The following HSP90B1 variants were observed in gnomAD, a reference collection of about 807,000 sequenced individuals.
HSP90B1 encodes heat shock protein 90 beta family member 1.
Under a neutral mutation model 100.4 loss-of-function variants are expected in HSP90B1, and 27 were observed. The observed-to-expected ratio is 0.27, with a 90% CI of 0.20 to 0.37. HSP90B1 has a LOEUF of 0.37. HSP90B1 is among the 10% of genes least tolerant of loss of function. The pLI, the probability that HSP90B1 is intolerant of heterozygous loss-of-function variation, is 1.00. For synonymous variants in HSP90B1, 304 were observed against 330.8 expected (o/e 0.92, Z 0.88); for missense variants, 678 against 960.5 (o/e 0.71, Z 3.89).
At chr12:103,939,198 T>TA (rs1420455288) in intron 7 of HSP90B1, among the ~76,000 whole-genome samples, 1 of 151,954 alleles carries the variant, frequency 6.6e-6, no homozygotes, top group African/African-American at 2.4e-5. Context: ...CTCCTAGGCT[T>TA]AAGCAGTCCT....
In HSP90B1 at chr12:103,943,767, G is replaced by T. The variant is rs764043319; in HGVS notation, c.1920G>T (p.Leu640=). 1 of 1,614,040 alleles carries T rather than the reference G, an allele frequency of 6.2e-7. No homozygotes were observed. The highest frequency in any genetic ancestry group is 1.7e-5 in the Admixed American group (1 of 59,962). Residue 640 remains leucine, a synonymous_variant, in exon 14 of 18, where the codon CTG becomes CTT. Transcript: ENST00000299767. This position sits in a 1 kb window ranked among gnomAD's most constrained non-coding sequence, Gnocchi z 5.3. ...KIEKAVVSQR[L]TESPCALVAS... is the part of the protein sequence containing the mutation. ...AAAAGGCTGTGGTGTCTCAGCGCCT[G>T]ACAGAATCTCCGTGTGCTTTGGTGG...
intron 8 of HSP90B1, 59 bp downstream of exon 8, chr12:103,939,684 C>G: frequency 1.3e-6 from 1 of 783,614 alleles, no homozygotes; most frequent in Non-Finnish European, 2.1e-6. Context: ...ATATCACCCT[C>G]TTAGTTTAAT....
chr12:103,941,940 T>G (rs1339601132), intron 11 of HSP90B1, 43 bp downstream of exon 11: 17 of 1,496,000 alleles, frequency 1.1e-5, no homozygotes, highest in Admixed American at 1.7e-5. Flanking sequence ...GCTGTTTGAT[T>G]GGGGTTCAGA....
At position 103,946,709 on chromosome 12, in the gene HSP90B1, C is replaced by T; in HGVS notation, c.2106+13C>T. On this transcript the variant is annotated intron_variant, in intron 15 of 17. Transcript: ENST00000299767. Reference sequence around the variant, plus strand: ...TCGACGAATTAAGGTAGTATTAAAGCAGTCCTCTTGCTTGTCTTTTAATTT... The same window carrying T: ...TCGACGAATTAAGGTAGTATTAAAGTAGTCCTCTTGCTTGTCTTTTAATTT... 4 of 1,612,942 alleles carry T rather than the reference C, an allele frequency of 2.5e-6. No homozygotes were observed. The highest frequency in any genetic ancestry group is 3.4e-6 in the Non-Finnish European group (4 of 1,178,910).
chr12:103,943,373 G>A lies in HSP90B1; in HGVS notation c.1890+54G>A. 4 of 1,543,912 alleles carry A rather than the reference G, an allele frequency of 2.6e-6. No homozygotes were observed. The South Asian group carries it at 4.6e-5, about 18-fold the overall frequency. ...TATTAGTATCAGCATTTAAGAGAAA[G>A]TTATTTTGTGAACAAATTAAGCTGC... On this transcript the variant is annotated intron_variant, in intron 13 of 17. Coordinates refer to ENST00000299767, the MANE Select transcript of HSP90B1 (RefSeq NM_003299.3). This position sits in a 1 kb window ranked among gnomAD's most constrained non-coding sequence, Gnocchi z 5.3.
At chr12:103,940,384 G>A (rs892067145) in intron 8 of HSP90B1, among the ~76,000 whole-genome samples, 1 of 151,578 alleles carries the variant, frequency 6.6e-6, no homozygotes, top group Non-Finnish European at 1.5e-5. Flanking sequence ...AACTCTTAAG[G>A]ATGCAAAACT....
intron 14 of HSP90B1, among the ~76,000 whole-genome samples, chr12:103,945,675 G>C (rs941064209): frequency 6.6e-6 from 1 of 152,146 alleles, no homozygotes; most frequent in Non-Finnish European, 1.5e-5. Flanking sequence ...AAATCAGTTC[G>C]TCTGTTCAGC....
At chr12:103,940,820 T>C (rs1870056227) in intron 8 of HSP90B1, among the ~76,000 whole-genome samples, 1 of 152,218 alleles carries the variant, frequency 6.6e-6, no homozygotes, top group Admixed American at 6.5e-5. Flanking sequence ...CTTTTTAAAA[T>C]TTGTACTGTG....
chr12:103,940,367 T>G (rs969392475), intron 8 of HSP90B1, among the ~76,000 whole-genome samples: 4 of 152,066 alleles, frequency 2.6e-5, no homozygotes, highest in Non-Finnish European at 5.9e-5. Context: ...TATTGATCCC[T>G]TCTTGTAACT....
At chr12:103,946,395 A>C (rs1870231849) in intron 14 of HSP90B1, among the ~76,000 whole-genome samples, 1 of 152,128 alleles carries the variant, frequency 6.6e-6, no homozygotes, top group African/African-American at 2.4e-5. Flanking sequence ...GGTATTTTCT[A>C]TCTGAGTTTG....
rs144832663 is a variant in HSP90B1 at position 103,944,316 on chromosome 12, C to T, written c.2027+442C>T. Among the ~76,000 whole-genome samples, 1,144 of 152,210 alleles carry T rather than the reference C, an allele frequency of 7.5e-3. 11 individuals are homozygous for T. Among genetic ancestry groups the T allele is most frequent in the African/African-American group, 0.026 (1,080 of 41,524 alleles). On this transcript the variant is annotated intron_variant, in intron 14 of 17. Transcript: ENST00000299767. ...CAGATAGAATGTCTCATAAAGTAGA[C>T]GGTACAGGACCTGTGAATTAACAGT... is the stretch of plus-strand genomic sequence containing the variant.
intron 7 of HSP90B1, among the ~76,000 whole-genome samples, 177 bp from the exon 8 acceptor site, chr12:103,939,331 AG>A (rs1870011185): frequency 6.7e-6 from 1 of 150,024 alleles, no homozygotes; most frequent in African/African-American, 2.5e-5. Context: ...TTGAACTCCT[AG>A]GCTCAAACAG....
chr12:103,930,489 G>T lies in HSP90B1; in HGVS notation c.-27G>T, dbSNP rs575496973. On this transcript the variant is annotated 5_prime_UTR_variant, in exon 1 of 18. Transcript: ENST00000299767. The surrounding 1 kb of genome is among the most constrained non-coding windows in gnomAD (Gnocchi z 4.4). Reference sequence around the variant, plus strand: ...TGGAGGCGGCTCCTGCGATCGAAGGGGACTTGAGACTCACCGGCCGCACGC... The same window carrying T: ...TGGAGGCGGCTCCTGCGATCGAAGGTGACTTGAGACTCACCGGCCGCACGC... 87 of 1,595,534 alleles carry T rather than the reference G, an allele frequency of 5.5e-5. No homozygotes were observed. The South Asian group carries it at 9.5e-4, about 17-fold the overall frequency.
chr12:103,931,795 G>T (rs1869772369), intron 2 of HSP90B1, 172 bp downstream of exon 2: 1 of 664,498 alleles, frequency 1.5e-6, no homozygotes. Flanking sequence ...TAGGAGTGAT[G>T]AAAACTGAGT....
chr12:103,937,904 TG>T lies in HSP90B1; in HGVS notation c.855+99del, dbSNP rs1485922060. ...GAAGGCAGGCCGGCGCGGTGGCTCA[TG>T]CTTGTAATCCCCGCACTTTGGGAGG... is the stretch of plus-strand genomic sequence containing the variant. On this transcript the variant is annotated intron_variant, in intron 6 of 17. Transcript: ENST00000299767. The T allele has an allele frequency of 1.6e-4, 103 of 640,586 alleles. No individual in the cohort carries two copies. In the African/African-American group the frequency reaches 1.8e-3, roughly 11 times the overall value. 39.7% of individuals were successfully genotyped at this position (640,586 alleles called of 1,614,324 possible).
intron 5 of HSP90B1, among the ~76,000 whole-genome samples, chr12:103,935,755 G>C (rs1305687685): frequency 2.0e-5 from 3 of 152,186 alleles, no homozygotes; most frequent in Non-Finnish European, 4.4e-5. Context: ...TGTTGGAGAA[G>C]GATAGGGCAA....
At position 103,943,601 on chromosome 12, in the gene HSP90B1, C is replaced by A. The variant is rs1396864731; in HGVS notation, c.1891-137C>A. The A allele has an allele frequency of 4.4e-5, 41 of 928,616 alleles. No homozygotes were observed. Among genetic ancestry groups the A allele is most frequent in the Non-Finnish European group, 1.6e-6 (1 of 639,514 alleles). 57.5% of individuals were successfully genotyped at this position (928,616 alleles called of 1,614,324 possible). A position where few individuals can be genotyped will look rare whatever the true frequency, so the allele number is the denominator to read the frequency against. ...AAGTGCCCCTACAAATTCTCCTAAA[C>A]CTTAAGAAAAGCTATTTTTATGACC... On this transcript the variant is annotated intron_variant, in intron 13 of 17. Coordinates refer to ENST00000299767, the MANE Select transcript of HSP90B1 (RefSeq NM_003299.3). The surrounding 1 kb of genome is among the most constrained non-coding windows in gnomAD (Gnocchi z 5.3).
chr12:103,947,743 G>C lies in HSP90B1; in HGVS notation c.*81G>C. Reference sequence around the variant, plus strand: ...TTTCTTTTTGGGAGAGACTTGTTTTGGATGCCCCCTAATCCCCTTCTCCCC... The same window carrying C: ...TTTCTTTTTGGGAGAGACTTGTTTTCGATGCCCCCTAATCCCCTTCTCCCC... On this transcript the variant is annotated 3_prime_UTR_variant, in exon 18 of 18. Transcript: ENST00000299767. 8.5e-7 allele frequency: 1 copy of C among 1,179,340 alleles called. No homozygotes were observed. Among genetic ancestry groups the C allele is most frequent in the Non-Finnish European group, 1.3e-6 (1 of 784,392 alleles). The allele number at this position is 1,179,340 out of a possible 1,614,324, so 73.1% of individuals were successfully genotyped here.
At position 103,941,257 on chromosome 12, in the gene HSP90B1, C is replaced by T. The variant is rs185559347; in HGVS notation, c.1093-153C>T. On this transcript the variant is annotated intron_variant, in intron 8 of 17. Transcript: ENST00000299767. ...ACCCTTTTCTTTCTCTTCCCCCCAC[C>T]CTTTTCTTTCTCTTCCCCACCTCCC... is the stretch of plus-strand genomic sequence containing the variant. Among the ~76,000 whole-genome samples, 8 of 152,240 alleles carry T rather than the reference C, an allele frequency of 5.3e-5. No homozygotes were observed. In the East Asian group the frequency reaches 1.3e-3, roughly 26 times the overall value.
Sources: allele counts gnomAD v4.1 joint callset (sites outside exome capture counted in the v4.1 genomes callset), GRCh38; gene constraint gnomAD v4.1.1; non-coding constraint Gnocchi (gnomAD v3.1); transcripts MANE v1.5; gene names NCBI Gene and HGNC (gene_info 2026-07-23, HGNC 2026-07-21).